ARHGAP31: variants seen among roughly 807,000 people sequenced by gnomAD.
The protein encoded by ARHGAP31 is rho GTPase-activating protein 31.
Under a neutral mutation model 113.9 loss-of-function variants are expected in ARHGAP31, and 34 were observed. That is an observed-to-expected ratio of 0.30 (90% CI 0.23 to 0.40). The LOEUF (loss-of-function observed/expected upper bound fraction) is 0.40. Ranked by LOEUF, ARHGAP31 falls within the 10% of genes least tolerant of loss-of-function variation. The pLI, the probability that ARHGAP31 is intolerant of heterozygous loss-of-function variation, is 1.00. For synonymous variants in ARHGAP31, 650 were observed against 684.8 expected (o/e 0.95, Z 0.79); for missense variants, 1,548 against 1,767.1 (o/e 0.88, Z 2.22).
chr3:119,398,873 A>G (rs750332784), intron 8 of ARHGAP31, among the ~76,000 whole-genome samples: 3 of 152,216 alleles, frequency 2.0e-5, no homozygotes, highest in Non-Finnish European at 4.4e-5. Context: ...CTACCCCTGG[A>G]TTCATCCTTG....
intron 1 of ARHGAP31, among the ~76,000 whole-genome samples, chr3:119,306,819 C>T (rs550457180): frequency 2.0e-5 from 3 of 152,248 alleles, no homozygotes; most frequent in African/African-American, 7.2e-5. Context: ...ACTGACTTAG[C>T]ACACAGAAAG....
At chr3:119,337,271 G>A (rs1005642051) in intron 1 of ARHGAP31, among the ~76,000 whole-genome samples, 2 of 152,294 alleles carry the variant, frequency 1.3e-5, no homozygotes, top group African/African-American at 2.4e-5. Flanking sequence ...TGGTCTTACA[G>A]ACGTCAGGAG....
chr3:119,315,176 G>A lies in ARHGAP31; in HGVS notation c.100+20172G>A, dbSNP rs78554613. ...CTCTTCTGTGTATACTGCTGTTACC[G>A]TGTTGTCTGAATTGCTTTTTGTAAC... On this transcript the variant is annotated intron_variant, in intron 1 of 11. Coordinates refer to ENST00000264245, the MANE Select transcript of ARHGAP31 (RefSeq NM_020754.4). Among the ~76,000 whole-genome samples, 630 of 152,296 alleles carry A rather than the reference G, an allele frequency of 4.1e-3. 4 individuals carry two copies. The highest frequency in any genetic ancestry group is 0.014 in the African/African-American group (564 of 41,554).
rs989224297 is a variant in ARHGAP31, at chr3:119,416,085, G to C, written c.4156G>C (p.Gly1386Arg). Residue 1386 changes from glycine to arginine, a missense_variant, in exon 12 of 12, where the codon GGC (glycine) becomes CGC (arginine). Transcript: ENST00000264245. ...AAGTCCCACCCAGACAGTTTCCCCTGGCCTTCTTTGTGGAGAGTTGGCAGA... is the reference window on the plus strand; with the variant it reads ...AAGTCCCACCCAGACAGTTTCCCCTCGCCTTCTTTGTGGAGAGTTGGCAGA... Reference protein sequence around the residue: ...IRSPTQTVSPGLLCGELAENT... With the variant: ...IRSPTQTVSPRLLCGELAENT... 1 of 1,614,060 alleles carries C rather than the reference G, an allele frequency of 6.2e-7. No individual in the cohort carries two copies. Among genetic ancestry groups the C allele is most frequent in the African/African-American group, 1.3e-5 (1 of 74,934 alleles).
At chr3:119,402,480 G>C in intron 10 of ARHGAP31, 83 bp downstream of exon 10, 1 of 1,449,632 alleles carries the variant, frequency 6.9e-7, no homozygotes, top group East Asian at 2.4e-5. Flanking sequence ...AGGCAATATA[G>C]TGCGGTGGTT....
intron 1 of ARHGAP31, among the ~76,000 whole-genome samples, chr3:119,352,746 T>A (rs780136858): frequency 6.6e-6 from 1 of 152,168 alleles, no homozygotes; most frequent in African/African-American, 2.4e-5. Context: ...AAGCTATTGA[T>A]TGTTTTGGTG....
At chr3:119,381,054 C>T (rs932526299) in intron 4 of ARHGAP31, 68 bp downstream of exon 4, 6 of 1,464,406 alleles carry the variant, frequency 4.1e-6, no homozygotes, top group Non-Finnish European at 4.8e-6. Context: ...GACAGGCTGG[C>T]ATCATGGAAA....
chr3:119,414,380 C>T lies in ARHGAP31; in HGVS notation c.2451C>T (p.Leu817=). The T allele has an allele frequency of 6.2e-7, 1 of 1,614,190 alleles. No homozygotes were observed. Among genetic ancestry groups the T allele is most frequent in the Non-Finnish European group, 8.5e-7 (1 of 1,180,044 alleles). Residue 817 remains leucine, a synonymous_variant, in exon 12 of 12, where the codon CTC becomes CTT. Coordinates refer to ENST00000264245, the MANE Select transcript of ARHGAP31 (RefSeq NM_020754.4). The part of the protein sequence containing the change: ...EDSSRKLRTD[L]YIDQLKSQDS... ...CATCCAGGAAATTGAGGACAGATCT[C>T]TACATAGACCAGCTGAAGTCCCAAG...
chr3:119,349,010 G>A (rs1461760089), intron 1 of ARHGAP31, among the ~76,000 whole-genome samples: 1 of 152,140 alleles, frequency 6.6e-6, no homozygotes, highest in Non-Finnish European at 1.5e-5. Flanking sequence ...TAATTTTTGA[G>A]CTGCAAAACT....
chr3:119,350,002 T>C (rs2080097140), intron 1 of ARHGAP31, among the ~76,000 whole-genome samples: 1 of 152,236 alleles, frequency 6.6e-6, no homozygotes, highest in Admixed American at 6.5e-5. Context: ...TCAGTGCTAA[T>C]AGAAGGGGAT....
At chr3:119,405,785 C>A (rs1253259013) in intron 10 of ARHGAP31, among the ~76,000 whole-genome samples, 1 of 152,160 alleles carries the variant, frequency 6.6e-6, no homozygotes, top group Non-Finnish European at 1.5e-5. Flanking sequence ...ATAGAGATTT[C>A]TTGTAGTTTA....
chr3:119,304,303 G>A lies in ARHGAP31; in HGVS notation c.100+9299G>A, dbSNP rs138880847. Among the ~76,000 whole-genome samples, 15 of 152,302 alleles carry A rather than the reference G, an allele frequency of 9.8e-5. No homozygotes were observed. The East Asian group carries it at 2.9e-3, about 29-fold the overall frequency. On this transcript the variant is annotated intron_variant, in intron 1 of 11. Transcript: ENST00000264245. ...GGCTGTAGAGGATGAGCAAGCAGGG[G>A]ATGTGCACATGTGAGGCAGCCAAGT...
chr3:119,345,827 T>G (rs1267740375), intron 1 of ARHGAP31, among the ~76,000 whole-genome samples: 1 of 152,142 alleles, frequency 6.6e-6, no homozygotes, highest in Non-Finnish European at 1.5e-5. Flanking sequence ...ATGAGCTCTG[T>G]ACATGACTGC....
chr3:119,414,582 C>T lies in ARHGAP31; in HGVS notation c.2653C>T (p.Pro885Ser), dbSNP rs532541102. Residue 885 changes from proline (P) to serine (S), a missense_variant, in exon 12 of 12, where the codon CCT (proline) becomes TCT (serine). Physicochemically the swap from Pro to Ser is moderately conservative, Grantham distance 74. Transcript: ENST00000264245. ...EEDVTHSVQEPSDCDEDDTVT... is the reference protein window; with the variant it reads ...EEDVTHSVQESSDCDEDDTVT... ...GGATGTAACCCATTCAGTACAGGAGCCTTCAGACTGTGACGAAGATGACAC... is the reference window on the plus strand; with the variant it reads ...GGATGTAACCCATTCAGTACAGGAGTCTTCAGACTGTGACGAAGATGACAC... The T allele has an allele frequency of 6.2e-7, 1 of 1,614,118 alleles. No homozygotes were observed. Among genetic ancestry groups the T allele is most frequent in the African/African-American group, 1.3e-5 (1 of 74,938 alleles).
intron 1 of ARHGAP31, among the ~76,000 whole-genome samples, chr3:119,349,451 C>T (rs1347946965): frequency 1.3e-5 from 2 of 152,122 alleles, no homozygotes; most frequent in African/African-American, 4.8e-5. Flanking sequence ...AGAAGCATCT[C>T]CTGGGGACAA....
At chr3:119,311,766 G>A (rs146234022) in intron 1 of ARHGAP31, among the ~76,000 whole-genome samples, 18 of 152,354 alleles carry the variant, frequency 1.2e-4, no homozygotes, top group Middle Eastern at 3.4e-3. Context: ...GGGAGGGAAT[G>A]TGGGAGACAG....
rs186080635 is a variant in ARHGAP31, at chr3:119,358,980, T to C, written c.101-6336T>C. Among the ~76,000 whole-genome samples, 435 of 152,252 alleles carry C rather than the reference T, an allele frequency of 2.9e-3. 3 individuals are homozygous for C. Among genetic ancestry groups the C allele is most frequent in the Non-Finnish European group, 5.2e-3 (354 of 68,014 alleles). On this transcript the variant is annotated intron_variant, in intron 1 of 11. Transcript: ENST00000264245. ...CGTACACTTTAAAGGGTGAATTATATGGTATTTTAATTATATTTCAGTTTT... is the reference window on the plus strand; with the variant it reads ...CGTACACTTTAAAGGGTGAATTATACGGTATTTTAATTATATTTCAGTTTT...
At chr3:119,389,475 G>A (rs535636627) in intron 6 of ARHGAP31, among the ~76,000 whole-genome samples, 2 of 152,176 alleles carry the variant, frequency 1.3e-5, no homozygotes, top group Non-Finnish European at 2.9e-5. Flanking sequence ...TCTTTGGATC[G>A]GGTCAAAAGA....
At chr3:119,332,300 A>G (rs1161832316) in intron 1 of ARHGAP31, among the ~76,000 whole-genome samples, 1 of 151,676 alleles carries the variant, frequency 6.6e-6, no homozygotes, top group African/African-American at 2.4e-5. Context: ...CCCAGGTTCA[A>G]ATTATTCTCC....
Sources: allele counts gnomAD v4.1 joint callset (sites outside exome capture counted in the v4.1 genomes callset), GRCh38; gene constraint gnomAD v4.1.1; transcripts MANE v1.5; gene names NCBI Gene and HGNC (gene_info 2026-07-23, HGNC 2026-07-21).